Variants in RBFOX1 observed in about 807,000 individuals in gnomAD.
RBFOX1 encodes the protein RNA binding protein fox-1 homolog 1.
In RBFOX1, 8 loss-of-function variants were observed where a neutral mutation model predicts 57.7. The ratio of observed to expected loss-of-function variants is 0.14; its 90% CI spans 0.08 to 0.25. RBFOX1 has a LOEUF of 0.25. Among genes scored for constraint, RBFOX1 ranks in the 10% least tolerant of loss-of-function variants. RBFOX1 has a pLI of 1.00. For missense variants in RBFOX1, 611 were observed against 548.5 expected, an observed-to-expected ratio of 1.11 and a Z score of -1.14; for synonymous variants, 326 against 222.4, an observed-to-expected ratio of 1.47 and a Z score of -4.15.
At chr16:5,768,247 T>C (rs943314402) in intron 3 of RBFOX1, among the ~76,000 whole-genome samples, 4 of 152,282 alleles carry the variant, frequency 2.6e-5, no homozygotes, top group South Asian at 2.1e-4. Context: ...CGTGAACCCA[T>C]TTTGGTAGAG....
In RBFOX1 at chr16:6,868,572, A is replaced by G. The variant is rs561090916; in HGVS notation, c.-15-183485A>G. Reference sequence around the variant, plus strand: ...CTGCAACCTCTGCTTCCTGGGTTCAAGCAATTCTCCTGCTTTAGCGTCCTG... The same window carrying G: ...CTGCAACCTCTGCTTCCTGGGTTCAGGCAATTCTCCTGCTTTAGCGTCCTG... On this transcript the variant is annotated intron_variant, in intron 3 of 15. Transcript: ENST00000550418. 2.0e-5 allele frequency among the ~76,000 whole-genome samples: 3 copies of G among 152,218 alleles called. No homozygotes were observed. The East Asian group carries it at 5.8e-4, about 29-fold the overall frequency.
intron 3 of RBFOX1, among the ~76,000 whole-genome samples, chr16:5,702,110 C>A (rs2051070785): frequency 6.6e-6 from 1 of 152,084 alleles, no homozygotes; most frequent in Non-Finnish European, 1.5e-5. Context: ...CTGTATTTAT[C>A]CCATTCTCAC....
chr16:6,476,511 T>A (rs1364576161), intron 2 of RBFOX1, among the ~76,000 whole-genome samples: 1 of 152,202 alleles, frequency 6.6e-6, no homozygotes, highest in Non-Finnish European at 1.5e-5. Context: ...AATAGCATTG[T>A]ATCTAAAAAA....
intron 1 of RBFOX1, among the ~76,000 whole-genome samples, chr16:6,221,599 A>G (rs1343059076): frequency 6.6e-6 from 1 of 152,220 alleles, no homozygotes; most frequent in Non-Finnish European, 1.5e-5. Context: ...GTCCATTCTT[A>G]TACTGCTAAT....
chr16:5,905,014 A>G (rs1436000802), intron 4 of RBFOX1, among the ~76,000 whole-genome samples: 1 of 149,648 alleles, frequency 6.7e-6, no homozygotes, highest in Admixed American at 6.7e-5. Context: ...TCAGATGAAA[A>G]TAAGTTCACT....
At chr16:6,577,545 T>G (rs1042011627) in intron 2 of RBFOX1, among the ~76,000 whole-genome samples, 11 of 152,214 alleles carry the variant, frequency 7.2e-5, no homozygotes, top group Middle Eastern at 3.2e-3. Flanking sequence ...AAAGGTTTAT[T>G]TCTTGCTGAT....
At chr16:6,529,835 T>C (rs2096631886) in intron 2 of RBFOX1, among the ~76,000 whole-genome samples, 1 of 152,142 alleles carries the variant, frequency 6.6e-6, no homozygotes, top group African/African-American at 2.4e-5. Flanking sequence ...TTATTAAATA[T>C]TATCCCTAGT....
At chr16:5,867,188 C>A (rs1597563626) in intron 3 of RBFOX1, 13 of 540,346 alleles carry the variant, frequency 2.4e-5, no homozygotes, top group East Asian at 2.1e-4. Context: ...TGTGTTGCAA[C>A]CTTTGTCCCC....
intron 1 of RBFOX1, among the ~76,000 whole-genome samples, chr16:6,059,883 G>A (rs1026994748): frequency 6.6e-6 from 1 of 152,078 alleles, no homozygotes; most frequent in Admixed American, 6.6e-5. Context: ...ATAATGACTT[G>A]ATGAGAGAAT....
intron 4 of RBFOX1, among the ~76,000 whole-genome samples, chr16:5,952,413 G>A (rs920094315): frequency 1.3e-5 from 2 of 152,048 alleles, no homozygotes; most frequent in Non-Finnish European, 2.9e-5. Flanking sequence ...GGCCTCCTGA[G>A]TAGCTGGGAT....
chr16:6,888,379 T>G (rs1484085137), intron 3 of RBFOX1, among the ~76,000 whole-genome samples: 1 of 152,138 alleles, frequency 6.6e-6, no homozygotes, highest in Admixed American at 6.5e-5. Flanking sequence ...TTTGTGAAAA[T>G]CCAAACTTGG....
chr16:7,341,160 A>G (rs1014416686), intron 4 of RBFOX1, among the ~76,000 whole-genome samples: 73 of 152,198 alleles, frequency 4.8e-4, no homozygotes, highest in African/African-American at 1.5e-3. Context: ...TCACACACAC[A>G]TCCCACCAGC....
intron 1 of RBFOX1, among the ~76,000 whole-genome samples, chr16:5,318,614 C>G (rs2064309196): frequency 6.6e-6 from 1 of 152,158 alleles, no homozygotes; most frequent in Non-Finnish European, 1.5e-5. Flanking sequence ...CAAAACAAAA[C>G]ACTTTATCAT....
At chr16:7,085,289 C>T (rs1304812531) in intron 4 of RBFOX1, among the ~76,000 whole-genome samples, 1 of 152,124 alleles carries the variant, frequency 6.6e-6, no homozygotes, top group African/African-American at 2.4e-5. Context: ...GAACAGCTGC[C>T]ACTCAGCACC....
chr16:7,410,908 G>A (rs1432068308), intron 4 of RBFOX1, among the ~76,000 whole-genome samples: 3 of 150,204 alleles, frequency 2.0e-5, no homozygotes, highest in Non-Finnish European at 3.0e-5. Context: ...AAGTTCCATC[G>A]ATCTACTCTT....
At chr16:7,178,428 G>C (rs1464648583) in intron 4 of RBFOX1, among the ~76,000 whole-genome samples, 4 of 152,202 alleles carry the variant, frequency 2.6e-5, no homozygotes, top group Non-Finnish European at 2.9e-5. Flanking sequence ...CAGGAGGAGA[G>C]AGAAATTGGA....
At chr16:6,624,264 G>C (rs574537904) in intron 2 of RBFOX1, among the ~76,000 whole-genome samples, 2 of 152,158 alleles carry the variant, frequency 1.3e-5, no homozygotes, top group Admixed American at 6.5e-5. Flanking sequence ...TAAATATCTC[G>C]TTGCTTCCTT....
At chr16:5,353,986 C>T (rs747609948) in intron 1 of RBFOX1, among the ~76,000 whole-genome samples, 2 of 152,064 alleles carry the variant, frequency 1.3e-5, no homozygotes, top group Non-Finnish European at 2.9e-5. Flanking sequence ...GCCACTAGCT[C>T]AGCTGGGGAA....
At chr16:5,640,819 G>T (rs1304416206) in intron 3 of RBFOX1, among the ~76,000 whole-genome samples, 1 of 125,066 alleles carries the variant, frequency 8.0e-6, no homozygotes, top group Non-Finnish European at 1.7e-5. Flanking sequence ...TGCACACCAT[G>T]GATACACATA....
Sources: gnomAD v4.1 joint callset for allele counts (sites outside exome capture counted in the v4.1 genomes callset) on GRCh38, gnomAD v4.1.1 for gene constraint, MANE v1.5 for transcripts, NCBI Gene and HGNC (gene_info 2026-07-23, HGNC 2026-07-21) for gene names.